ZNF438: variants seen among roughly 807,000 people sequenced by gnomAD.
ZNF438 encodes zinc finger protein 438.
A neutral mutation model predicts 38.0 loss-of-function variants in ZNF438; 25 were observed. The ratio of observed to expected loss-of-function variants is 0.66; its 90% CI spans 0.48 to 0.92. The LOEUF is 0.92. Ranked by LOEUF, ZNF438 falls within the 40% of genes least tolerant of loss-of-function variation. The probability of loss-of-function intolerance (pLI) is 0.00; values close to 1 mark genes in which losing one functional copy is unlikely to be tolerated. For missense variants in ZNF438, 1,007 were observed against 999.6 expected (o/e 1.01, Z -0.10); for synonymous variants, 372 against 364.1 (o/e 1.02, Z -0.25).
At chr10:30,862,407 A>G (rs1177243541) in intron 4 of ZNF438, among the ~76,000 whole-genome samples, 1 of 151,960 alleles carries the variant, frequency 6.6e-6, no homozygotes, top group East Asian at 1.9e-4. Flanking sequence ...GGTTCAAGTG[A>G]TCCTCCTGCC....
intron 1 of ZNF438, among the ~76,000 whole-genome samples, chr10:30,960,282 A>T (rs549659283): frequency 6.8e-6 from 1 of 147,354 alleles, no homozygotes; most frequent in South Asian, 2.2e-4. Flanking sequence ...ATTTTAATTA[A>T]GTCAAATTCA....
At position 30,875,225 on chromosome 10, in the gene ZNF438, A is replaced by T. The variant is rs1018503102; in HGVS notation, c.37+1773T>A. ...CCCAGAGAGGTAGGCATCAGAACAA[A>T]ACAAACTGTGATGAGAAGCAAAGCA... On this transcript the variant is annotated intron_variant, in intron 4 of 5. Coordinates refer to ENST00000413025, the Ensembl canonical transcript of ZNF438. 9 of 983,854 alleles carry T rather than the reference A, an allele frequency of 9.1e-6. No individual in the cohort carries two copies. The African/African-American group carries it at 1.6e-4, about 17-fold the overall frequency. The allele number at this position is 983,854 out of a possible 1,614,324, so 60.9% of individuals were successfully genotyped here. A position where few individuals can be genotyped will look rare whatever the true frequency, so the allele number is the denominator to read the frequency against.
At chr10:31,000,868 C>T (rs2054585631) in intron 1 of ZNF438, among the ~76,000 whole-genome samples, 1 of 152,160 alleles carries the variant, frequency 6.6e-6, no homozygotes, top group South Asian at 2.1e-4. Context: ...ATATCCCTCT[C>T]CAAAATCTTT....
intron 2 of ZNF438, among the ~76,000 whole-genome samples, chr10:30,913,171 G>A (rs1244724595): frequency 6.6e-6 from 1 of 152,026 alleles, no homozygotes; most frequent in East Asian, 1.9e-4. Flanking sequence ...ATCTGGACAA[G>A]TCAACTTCAT....
intron 1 of ZNF438, among the ~76,000 whole-genome samples, chr10:30,975,265 T>C (rs1412475576): frequency 1.3e-5 from 2 of 152,124 alleles, no homozygotes; most frequent in East Asian, 1.9e-4. Flanking sequence ...GAAAGCCCCA[T>C]ACAAGGTCCC....
exon 4 of ZNF438, chr10:30,877,032 C>T (rs1448320433): frequency 2.5e-6 from 4 of 1,605,648 alleles, no homozygotes; most frequent in Non-Finnish European, 3.4e-6. Flanking sequence ...CAGAATTCTG[C>T]ATTATGATGT....
chr10:31,022,270 T>G (rs1396439559), intron 1 of ZNF438, among the ~76,000 whole-genome samples: 1 of 151,436 alleles, frequency 6.6e-6, no homozygotes, highest in Non-Finnish European at 1.5e-5. Context: ...CTTTTTTTTT[T>G]CTTTTTTTTG....
intron 3 of ZNF438, among the ~76,000 whole-genome samples, chr10:30,902,927 C>CGGGCT (rs907797415): frequency 1.9e-4 from 29 of 152,212 alleles, no homozygotes; most frequent in Non-Finnish European, 7.3e-5. Flanking sequence ...TCAGGCATGT[C>CGGGCT]GGGCTGCAGG....
chr10:31,026,037 T>C (rs891272876), intron 1 of ZNF438, among the ~76,000 whole-genome samples: 9 of 152,180 alleles, frequency 5.9e-5, no homozygotes, highest in African/African-American at 1.9e-4. Context: ...GCTAGCCATA[T>C]TGAGAAAGCT....
At chr10:30,909,223 T>TA (rs2042857762) in intron 2 of ZNF438, among the ~76,000 whole-genome samples, 1 of 152,210 alleles carries the variant, frequency 6.6e-6, no homozygotes, top group Non-Finnish European at 1.5e-5. Flanking sequence ...TTTAAATATA[T>TA]ACATGAATAT....
intron 1 of ZNF438, among the ~76,000 whole-genome samples, chr10:30,964,673 C>T (rs529113491): frequency 2.2e-4 from 34 of 152,230 alleles, no homozygotes; most frequent in African/African-American, 7.5e-4. Context: ...AGCAGTGTCA[C>T]GGATAGGTCA....
Position 30,930,803 on chromosome 10 carries a change from C to CAAAAAAAAAAAAAAA in ZNF438, c.-115+10757_-115+10771dup, listed in dbSNP as rs71527620. On this transcript the variant is annotated intron_variant, in intron 2 of 5. Coordinates refer to ENST00000413025, the Ensembl canonical transcript of ZNF438. ...GCCTGGCGACAGAGAGAAACTCAGT[C>CAAAAAAAAAAAAAAA]AAAAAAAAAAAAAAAAAAAAAAAAA... Among the ~76,000 whole-genome samples, 117 of 38,428 alleles carry CAAAAAAAAAAAAAAA rather than the reference C, an allele frequency of 3.0e-3. 6 individuals carry two copies. Among genetic ancestry groups the CAAAAAAAAAAAAAAA allele is most frequent in the African/African-American group, 3.4e-3 (41 of 12,218 alleles). The allele number at this position is 38,428 out of a possible 152,430, so 25.2% of individuals were successfully genotyped here. A position where few individuals can be genotyped will look rare whatever the true frequency, so the allele number is the denominator to read the frequency against.
intron 1 of ZNF438, among the ~76,000 whole-genome samples, chr10:30,993,829 G>A (rs544751316): frequency 2.0e-5 from 3 of 152,354 alleles, no homozygotes; most frequent in South Asian, 2.1e-4. Context: ...GTAAAGCCAC[G>A]GGGTGGAACC....
rs994349202 is a variant in ZNF438, at chr10:30,918,157, C to T, written c.-114-9142G>A. On this transcript the variant is annotated intron_variant, in intron 2 of 5. Transcript: ENST00000413025. ...AATTGCATTAATTTATTAGTTTATCCTTATGGCAGCACCATGCTATCTGGA... is the reference window on the plus strand; with the variant it reads ...AATTGCATTAATTTATTAGTTTATCTTTATGGCAGCACCATGCTATCTGGA... 3.9e-5 allele frequency among the ~76,000 whole-genome samples: 6 copies of T among 152,050 alleles called. No homozygotes were observed. In the East Asian group the frequency reaches 9.6e-4, roughly 24 times the overall value.
intron 4 of ZNF438, among the ~76,000 whole-genome samples, chr10:30,851,279 C>T (rs1365955352): frequency 1.3e-5 from 2 of 152,256 alleles, no homozygotes; most frequent in Non-Finnish European, 2.9e-5. Flanking sequence ...AGATCAATTA[C>T]TACTACCTTA....
At chr10:30,878,296 A>C (rs1023414140) in intron 3 of ZNF438, among the ~76,000 whole-genome samples, 14 of 152,118 alleles carry the variant, frequency 9.2e-5, no homozygotes, top group African/African-American at 3.4e-4. Context: ...CCCTGGACTC[A>C]GTCAGTAGAG....
intron 4 of ZNF438, among the ~76,000 whole-genome samples, chr10:30,858,130 T>G (rs1292266479): frequency 6.6e-6 from 1 of 152,244 alleles, no homozygotes; most frequent in Non-Finnish European, 1.5e-5. Flanking sequence ...GTCCCTGCTC[T>G]TGAAACAGGC....
At chr10:30,933,546 A>G (rs530495365) in intron 2 of ZNF438, among the ~76,000 whole-genome samples, 32 of 152,338 alleles carry the variant, frequency 2.1e-4, no homozygotes, top group Admixed American at 7.8e-4. Context: ...TGAGCCTAGC[A>G]GTTCAAGGCT....
rs545234532 is a variant in ZNF438 at position 30,903,764 on chromosome 10, A to T, written c.-32+5169T>A. On this transcript the variant is annotated intron_variant, in intron 3 of 5. Transcript: ENST00000413025. ...TTTGTAGACCATGTAACCTTCAAGT[A>T]TGTGCTACTTTTTTGTCCCTGTATC... Among the ~76,000 whole-genome samples the T allele has an allele frequency of 2.0e-5, 3 of 152,338 alleles. No homozygotes were observed. In the East Asian group the frequency reaches 5.8e-4, roughly 29 times the overall value.
Sources: allele counts gnomAD v4.1 joint callset (sites outside exome capture counted in the v4.1 genomes callset), GRCh38; gene constraint gnomAD v4.1.1; transcripts MANE v1.5; gene names NCBI Gene and HGNC (gene_info 2026-07-23, HGNC 2026-07-21).